STS: variants seen among roughly 807,000 people sequenced by gnomAD.
STS encodes the protein steroid sulfatase, also known as steryl-sulfatase.
In STS, 7 loss-of-function variants were observed where a neutral mutation model predicts 26.8. The ratio of observed to expected loss-of-function variants is 0.26; its 90% CI spans 0.15 to 0.49. The LOEUF (loss-of-function observed/expected upper bound fraction) is 0.49, where lower values mean the gene tolerates loss of function less well. STS is among the 20% of genes least tolerant of loss of function. The pLI is 0.98. For synonymous variants in STS, 199 were observed against 189.4 expected, an observed-to-expected ratio of 1.05 and a Z score of -0.42; for missense variants, 434 against 465.6, an observed-to-expected ratio of 0.93 and a Z score of 0.63.
chrX:7,171,779 G>A (rs1416309169), intron 1 of STS, among the ~76,000 whole-genome samples: 2 of 111,780 alleles, frequency 1.8e-5, no homozygotes, highest in South Asian at 3.7e-4. Flanking sequence ...TTGTATATTC[G>A]ATTAGATCCA....
In STS at chrX:7,351,284, C is replaced by T. The variant is rs1420145628; in HGVS notation, c.*1023C>T. 1.8e-5 allele frequency: 2 copies of T among 112,060 alleles called. No individual in the cohort carries two copies. The highest frequency in any genetic ancestry group is 6.5e-5 in the African/African-American group (2 of 30,804). The allele number at this position is 112,060 out of a possible 1,213,427, so 9.2% of individuals were successfully genotyped here. ...TCACAAGCAATCCATGATCTATACA[C>T]ATAAGCATAATTTCCTTTAGTTCTA... On this transcript the variant is annotated 3_prime_UTR_variant, in exon 11 of 11. Transcript: ENST00000674429.
At chrX:7,294,625 A>T (rs1925579729) in intron 7 of STS, among the ~76,000 whole-genome samples, 1 of 112,047 alleles carries the variant, frequency 8.9e-6, no homozygotes, top group Admixed American at 9.5e-5. Context: ...TACTTAATGT[A>T]ATCCCTACAA....
chrX:7,210,104 T>C (rs1191486809), intron 2 of STS, among the ~76,000 whole-genome samples: 2 of 111,847 alleles, frequency 1.8e-5, no homozygotes, highest in African/African-American at 6.5e-5. Context: ...TGTGTCTTTA[T>C]AGTAGAGTGA....
chrX:7,299,479 G>A (rs373433208), intron 7 of STS, among the ~76,000 whole-genome samples: 1 of 104,063 alleles, frequency 9.6e-6, no homozygotes, highest in South Asian at 4.0e-4. Flanking sequence ...ACATATATGT[G>A]TGTGTGTTAT....
In STS at chrX:7,200,866, T is replaced by C. The variant is rs567398795; in HGVS notation, c.-5+9858T>C. Reference sequence around the variant, plus strand: ...AGCCACACATGACCCTCAGCACATATGACAAGAGCTGTCTTTCCACATGCA... The same window carrying C: ...AGCCACACATGACCCTCAGCACATACGACAAGAGCTGTCTTTCCACATGCA... On this transcript the variant is annotated intron_variant, in intron 2 of 10. Transcript: ENST00000674429. Among the ~76,000 whole-genome samples the C allele has an allele frequency of 4.5e-5, 5 of 112,079 alleles. No individual in the cohort carries two copies. In the South Asian group the frequency reaches 1.9e-3, roughly 42 times the overall value.
chrX:7,243,363 G>A (rs756620518), intron 2 of STS, among the ~76,000 whole-genome samples: 18 of 112,044 alleles, frequency 1.6e-4, no homozygotes, highest in African/African-American at 5.2e-4. Flanking sequence ...GCATCTGGTC[G>A]CATTTTGGAA....
intron 6 of STS, among the ~76,000 whole-genome samples, chrX:7,274,428 A>G (rs776171890): frequency 8.9e-6 from 1 of 111,799 alleles, no homozygotes; most frequent in South Asian, 3.8e-4. Context: ...CTCACCCAGT[A>G]TTCTCTTTCA....
chrX:7,288,592 C>T (rs1925253987), intron 7 of STS, among the ~76,000 whole-genome samples: 1 of 109,441 alleles, frequency 9.1e-6, no homozygotes, highest in East Asian at 2.9e-4. Flanking sequence ...ATGTATATGG[C>T]TTCATGCTTT....
chrX:7,219,344 G>A, intron 2 of STS: 2 of 905,459 alleles, frequency 2.2e-6, no homozygotes, highest in Non-Finnish European at 2.8e-6. Context: ...TCATACCGAA[G>A]GGGAGAAGTT....
At chrX:7,299,732 A>G (rs1323157810) in intron 7 of STS, among the ~76,000 whole-genome samples, 2 of 110,801 alleles carry the variant, frequency 1.8e-5, no homozygotes, top group Non-Finnish European at 3.8e-5. Flanking sequence ...CGGCCAGTCC[A>G]GGATGAAGTG....
intron 10 of STS, among the ~76,000 whole-genome samples, chrX:7,345,972 G>A (rs1215031269): frequency 1.8e-5 from 2 of 112,044 alleles, no homozygotes; most frequent in Non-Finnish European, 3.8e-5. Context: ...CTGAGTCGCT[G>A]TAATACGAAG....
intron 1 of STS, among the ~76,000 whole-genome samples, chrX:7,166,002 C>CTTTT (rs777828028): frequency 1.1e-5 from 1 of 93,370 alleles, no homozygotes. Flanking sequence ...CTGTCGCTGT[C>CTTTT]TTTTTTTTTT....
chrX:7,324,225 C>T (rs971357272), intron 8 of STS, among the ~76,000 whole-genome samples: 2 of 110,535 alleles, frequency 1.8e-5, no homozygotes, highest in African/African-American at 6.6e-5. Context: ...TTCTGATTGG[C>T]AGTTGGTTGA....
chrX:7,283,888 A>G (rs1211516020), intron 7 of STS, among the ~76,000 whole-genome samples: 1 of 110,961 alleles, frequency 9.0e-6, no homozygotes, highest in African/African-American at 3.3e-5. Context: ...CAGAGGTTGA[A>G]TCATTCCAGG....
At chrX:7,283,842 T>G (rs1157360556) in intron 7 of STS, among the ~76,000 whole-genome samples, 1 of 110,890 alleles carries the variant, frequency 9.0e-6, no homozygotes, top group Non-Finnish European at 1.9e-5. Flanking sequence ...AGCAAAGGTG[T>G]TGGAAGGCTG....
chrX:7,175,226 C>A lies in STS; in HGVS notation c.-133-15654C>A, dbSNP rs1402079599. Among the ~76,000 whole-genome samples, 8 of 99,864 alleles carry A rather than the reference C, an allele frequency of 8.0e-5. No individual in the cohort carries two copies. The Admixed American group carries it at 8.9e-4, about 11-fold the overall frequency. The allele number at this position is 99,864 out of a possible 115,157, so 86.7% of individuals were successfully genotyped here. A position where few individuals can be genotyped will look rare whatever the true frequency, so the allele number is the denominator to read the frequency against. ...AAAAGCCAGATGCAGTGACTCATGT[C>A]TGCAATCCCAGCACTTTGGGAGACT... On this transcript the variant is annotated intron_variant, in intron 1 of 10. Coordinates refer to ENST00000674429, the MANE Select transcript of STS (RefSeq NM_001320752.2).
At chrX:7,265,033 T>C (rs1923936012) in intron 6 of STS, among the ~76,000 whole-genome samples, 1 of 109,717 alleles carries the variant, frequency 9.1e-6, no homozygotes, top group Non-Finnish European at 1.9e-5. Context: ...TTTTTTTTTT[T>C]TTTTTGGTAA....
intron 7 of STS, among the ~76,000 whole-genome samples, chrX:7,297,295 C>T (rs5934915): frequency 0.092 from 9,753 of 105,579 alleles, 465 homozygotes; most frequent in Non-Finnish European, 0.14. Context: ...GATCCCCACT[C>T]TAGGTTTACT....
intron 8 of STS, among the ~76,000 whole-genome samples, chrX:7,318,666 A>G (rs1242282783): frequency 3.6e-5 from 4 of 111,092 alleles, no homozygotes; most frequent in Admixed American, 9.6e-5. Flanking sequence ...GTGGGTTCAG[A>G]GCTTCCAACA....
Sources: allele counts gnomAD v4.1 joint callset (sites outside exome capture counted in the v4.1 genomes callset), GRCh38; gene constraint gnomAD v4.1.1; transcripts MANE v1.5; gene names NCBI Gene and HGNC (gene_info 2026-07-23, HGNC 2026-07-21).